The following SLC17A1 variants were observed in gnomAD, a reference collection of about 807,000 sequenced individuals.
SLC17A1 encodes solute carrier family 17 member 1.
Under a neutral mutation model 53.5 loss-of-function variants are expected in SLC17A1, and 51 were observed. The ratio of observed to expected loss-of-function variants is 0.95; its 90% confidence interval spans 0.76 to 1.20. The LOEUF (loss-of-function observed/expected upper bound fraction) is 1.20, where lower values mean the gene tolerates loss of function less well. Among genes scored for constraint, SLC17A1 ranks in the 50% most tolerant of loss-of-function variants. The pLI, the probability that SLC17A1 is intolerant of heterozygous loss-of-function variation, is 0.00. For missense variants in SLC17A1, 538 were observed against 568.2 expected (o/e 0.95, Z 0.54); for synonymous variants, 179 against 198.8 (o/e 0.90, Z 0.84).
the SLC17A1 span, among the ~76,000 whole-genome samples, chr6:25,739,298 A>G: frequency 6.6e-6 from 1 of 152,188 alleles, no homozygotes; most frequent in Non-Finnish European, 1.5e-5. Flanking sequence ...TTCGCTTCTC[A>G]TAAGGGAACT....
At chr6:25,815,675 A>G (rs1431503257) in intron 6 of SLC17A1, among the ~76,000 whole-genome samples, 1 of 152,190 alleles carries the variant, frequency 6.6e-6, no homozygotes, top group African/African-American at 2.4e-5. Flanking sequence ...TTTGCAGACC[A>G]AATTGCCAGG....
chr6:25,728,095 A>T, the SLC17A1 span, among the ~76,000 whole-genome samples: 1 of 152,190 alleles, frequency 6.6e-6, no homozygotes, highest in African/African-American at 2.4e-5. Context: ...ACACATAATA[A>T]AACTAAAAAG....
chr6:25,760,082 C>A, the SLC17A1 span, among the ~76,000 whole-genome samples: 1 of 152,214 alleles, frequency 6.6e-6, no homozygotes, highest in African/African-American at 2.4e-5. Context: ...TAGCTCATTT[C>A]CCCACATTTT....
chr6:25,775,648 G>A, the SLC17A1 span, among the ~76,000 whole-genome samples: 3 of 151,928 alleles, frequency 2.0e-5, no homozygotes, highest in Non-Finnish European at 2.9e-5. Flanking sequence ...GGCTGGTCTC[G>A]AACTCCTGAG....
chr6:25,737,498 T>G, the SLC17A1 span, among the ~76,000 whole-genome samples: 3 of 152,100 alleles, frequency 2.0e-5, no homozygotes, highest in Admixed American at 2.0e-4. Context: ...GTAATAAAAC[T>G]CTAGTCTCCC....
chr6:25,775,744 ATTCT>A, the SLC17A1 span, among the ~76,000 whole-genome samples: 1 of 152,264 alleles, frequency 6.6e-6, no homozygotes, highest in South Asian at 2.1e-4. Context: ...TCCTATATAT[ATTCT>A]TTCTTTGTTT....
At chr6:25,796,796 C>T (rs1285845221) in intron 12 of SLC17A1, among the ~76,000 whole-genome samples, 2 of 152,188 alleles carry the variant, frequency 1.3e-5, no homozygotes, top group Admixed American at 1.3e-4. Flanking sequence ...ATATCATCTG[C>T]TCATAATGAT....
the SLC17A1 span, chr6:25,776,755 A>C: frequency 6.2e-7 from 1 of 1,613,784 alleles, no homozygotes; most frequent in Non-Finnish European, 8.5e-7. Context: ...CACAGGGGTG[A>C]ACGTGGGAAG....
chr6:25,827,965 C>T (rs1581503858), intron 2 of SLC17A1, among the ~76,000 whole-genome samples: 2 of 152,242 alleles, frequency 1.3e-5, no homozygotes, highest in East Asian at 3.9e-4. Context: ...ATCAAAATCT[C>T]ATAGCACAAA....
the SLC17A1 span, chr6:25,769,006 G>A: frequency 6.2e-7 from 1 of 1,613,940 alleles, no homozygotes; most frequent in Non-Finnish European, 8.5e-7. Flanking sequence ...GTCCGACATG[G>A]GCTGGCCCTC....
chr6:25,761,697 GC>G, the SLC17A1 span, among the ~76,000 whole-genome samples: 1 of 152,066 alleles, frequency 6.6e-6, no homozygotes, highest in South Asian at 2.1e-4. Context: ...GGCAATCCAG[GC>G]CAGATTTCTC....
intron 10 of SLC17A1, among the ~76,000 whole-genome samples, chr6:25,805,018 A>C (rs962895989): frequency 2.0e-5 from 3 of 152,078 alleles, no homozygotes; most frequent in African/African-American, 7.2e-5. Flanking sequence ...CTTAAACTAC[A>C]CTTTAGAACA....
At chr6:25,782,207 G>A (rs947556629), downstream of SLC17A1, among the ~76,000 whole-genome samples, 11 of 152,166 alleles carry the variant, frequency 7.2e-5, no homozygotes, top group Non-Finnish European at 1.5e-4. Context: ...CTACTTGGAA[G>A]GGAGGCAGTA....
chr6:25,809,002 G>T (rs1764055860), intron 10 of SLC17A1, among the ~76,000 whole-genome samples: 1 of 151,968 alleles, frequency 6.6e-6, no homozygotes, highest in African/African-American at 2.4e-5. Flanking sequence ...CAGCCTAAGT[G>T]TCCATCAACA....
At chr6:25,768,377 A>G in the SLC17A1 span, 2 of 986,988 alleles carry the variant, frequency 2.0e-6, no homozygotes, top group Non-Finnish European at 2.4e-6. Flanking sequence ...AAACTAATGT[A>G]TATGGACTCA....
At chr6:25,769,448 C>A in the SLC17A1 span, among the ~76,000 whole-genome samples, 4 of 151,984 alleles carry the variant, frequency 2.6e-5, no homozygotes, top group Non-Finnish European at 5.9e-5. Context: ...ATCCCAGCTA[C>A]TCTGGAGGCT....
chr6:25,785,781 C>A (rs143831422), intron 12 of SLC17A1, among the ~76,000 whole-genome samples: 2 of 151,922 alleles, frequency 1.3e-5, no homozygotes, highest in Non-Finnish European at 2.9e-5. Context: ...TAATGAGATG[C>A]CACTTCACAT....
the SLC17A1 span, among the ~76,000 whole-genome samples, chr6:25,745,374 G>A: frequency 3.9e-5 from 6 of 152,032 alleles, no homozygotes; most frequent in Admixed American, 1.3e-4. Context: ...GTATATGTAC[G>A]TATTCACTTT....
chr6:25,764,539 T>C, the SLC17A1 span, among the ~76,000 whole-genome samples: 4 of 152,280 alleles, frequency 2.6e-5, no homozygotes, highest in South Asian at 6.2e-4. Flanking sequence ...TGCAGACAGA[T>C]TTAATACAAT....
Sources: allele counts gnomAD v4.1 joint callset (sites outside exome capture counted in the v4.1 genomes callset), GRCh38; gene constraint gnomAD v4.1.1; transcripts MANE v1.5; gene names NCBI Gene and HGNC (gene_info 2026-07-23, HGNC 2026-07-21).